The following MAP2K6 variants were observed in gnomAD, a reference collection of about 807,000 sequenced individuals.
The protein encoded by MAP2K6 is dual specificity mitogen-activated protein kinase kinase 6.
In MAP2K6, 16 loss-of-function variants were observed where a neutral mutation model predicts 53.7. The observed-to-expected ratio is 0.30, with a 90% CI of 0.20 to 0.45. The LOEUF (loss-of-function observed/expected upper bound fraction) is 0.45. Among genes scored for constraint, MAP2K6 ranks in the 20% least tolerant of loss-of-function variants. MAP2K6 has a pLI of 1.00. For synonymous variants in MAP2K6, 132 were observed against 143.1 expected (o/e 0.92, Z 0.55); for missense variants, 204 against 411.9 (o/e 0.50, Z 4.37).
rs1403212292 is a variant in MAP2K6 at position 69,494,052 on chromosome 17, C to G, written c.17-11728C>G. ...ACAATCTGATCAAGTTGAATCTGATCAATTTCTAACCAACAGAGGGATGTG... is the reference window on the plus strand; with the variant it reads ...ACAATCTGATCAAGTTGAATCTGATGAATTTCTAACCAACAGAGGGATGTG... On this transcript the variant is annotated intron_variant, in intron 1 of 11. Coordinates refer to ENST00000590474, the MANE Select transcript of MAP2K6 (RefSeq NM_002758.4). The surrounding 1 kb of genome is among the most constrained non-coding windows in gnomAD (Gnocchi z 4.2). Among the ~76,000 whole-genome samples the G allele has an allele frequency of 6.6e-6, 1 of 152,198 alleles. No individual in the cohort carries two copies. The highest frequency in any genetic ancestry group is 2.4e-5 in the African/African-American group (1 of 41,444).
intron 1 of MAP2K6, among the ~76,000 whole-genome samples, chr17:69,424,474 C>G (rs1342089676): frequency 6.6e-6 from 1 of 152,152 alleles, no homozygotes; most frequent in African/African-American, 2.4e-5. Flanking sequence ...GAGGTGATAT[C>G]CCATTTTGTA....
chr17:69,432,810 TAAA>T (rs59109680), intron 1 of MAP2K6, among the ~76,000 whole-genome samples: 27 of 139,768 alleles, frequency 1.9e-4, no homozygotes, highest in Admixed American at 2.9e-4. Flanking sequence ...AACCTAAAAT[TAAA>T]AAAAAAAAAA....
chr17:69,425,482 T>C (rs1329448166), intron 1 of MAP2K6, among the ~76,000 whole-genome samples: 1 of 151,926 alleles, frequency 6.6e-6, no homozygotes, highest in Non-Finnish European at 1.5e-5. Context: ...CCAGCTACTT[T>C]TTGTATTTTT....
chr17:69,540,594 T>C (rs1911567146), intron 11 of MAP2K6, among the ~76,000 whole-genome samples: 1 of 152,218 alleles, frequency 6.6e-6, no homozygotes, highest in Middle Eastern at 3.2e-3. Flanking sequence ...CTGCTCAGGA[T>C]TGTTTTGAAA....
chr17:69,525,603 C>A (rs997787146), intron 9 of MAP2K6, among the ~76,000 whole-genome samples: 5 of 152,138 alleles, frequency 3.3e-5, no homozygotes, highest in African/African-American at 1.2e-4. Context: ...TATATGGCGG[C>A]AGACAAGAGA....
intron 1 of MAP2K6, among the ~76,000 whole-genome samples, chr17:69,451,107 A>G (rs1333332518): frequency 6.6e-6 from 1 of 152,242 alleles, no homozygotes; most frequent in East Asian, 1.9e-4. Flanking sequence ...TGAGATTTGC[A>G]AGAATTTGTC....
At chr17:69,499,056 T>C (rs1909053957) in intron 1 of MAP2K6, among the ~76,000 whole-genome samples, 1 of 152,204 alleles carries the variant, frequency 6.6e-6, no homozygotes, top group African/African-American at 2.4e-5. Context: ...AAATGGATAC[T>C]GAGGCAATGT....
In MAP2K6 at chr17:69,519,265, C is replaced by T. The variant is rs1275043604; in HGVS notation, c.247-48C>T. On this transcript the variant is annotated intron_variant, in intron 4 of 11. Coordinates refer to ENST00000590474, the MANE Select transcript of MAP2K6 (RefSeq NM_002758.4). ...GGGACTCCTTCAGGTCCCTGCCTGC[C>T]TCATCCTCAGAGTAGTAACCATAAA... 5 of 1,583,162 alleles carry T rather than the reference C, an allele frequency of 3.2e-6. No homozygotes were observed. In the South Asian group the frequency reaches 5.8e-5, roughly 18 times the overall value.
At chr17:69,468,130 C>A (rs776284596) in intron 1 of MAP2K6, among the ~76,000 whole-genome samples, 1 of 152,194 alleles carries the variant, frequency 6.6e-6, no homozygotes, top group Non-Finnish European at 1.5e-5. Flanking sequence ...CACCCCTTCC[C>A]GCATTCCTAG....
chr17:69,475,000 T>C (rs1481751511), intron 1 of MAP2K6, among the ~76,000 whole-genome samples: 1 of 152,146 alleles, frequency 6.6e-6, no homozygotes, highest in Non-Finnish European at 1.5e-5. Context: ...AGGACTCAAA[T>C]TGAGACAAAC....
chr17:69,416,869 A>G (rs554457293), intron 1 of MAP2K6, among the ~76,000 whole-genome samples: 1 of 152,326 alleles, frequency 6.6e-6, no homozygotes, highest in Admixed American at 6.5e-5. Context: ...TAGGGTCTAA[A>G]CTAAATCAGG....
intron 1 of MAP2K6, among the ~76,000 whole-genome samples, chr17:69,478,502 A>G (rs1340156086): frequency 6.6e-6 from 1 of 152,154 alleles, no homozygotes; most frequent in Non-Finnish European, 1.5e-5. Flanking sequence ...GCTCAATCTC[A>G]GCTCATTGCA....
chr17:69,503,530 T>G (rs144398901), intron 1 of MAP2K6, among the ~76,000 whole-genome samples: 1 of 152,236 alleles, frequency 6.6e-6, no homozygotes, highest in South Asian at 2.1e-4. Context: ...AGAAAGCCTC[T>G]TATTCTGAAG....
intron 1 of MAP2K6, among the ~76,000 whole-genome samples, chr17:69,469,327 CATTA>C (rs1567829133): frequency 6.6e-6 from 1 of 152,246 alleles, no homozygotes; most frequent in Non-Finnish European, 1.5e-5. Flanking sequence ...CCTGATCAAT[CATTA>C]ACTTTAATCA....
intron 9 of MAP2K6, among the ~76,000 whole-genome samples, chr17:69,525,521 G>A (rs570732872): frequency 9.7e-4 from 148 of 152,300 alleles, no homozygotes; most frequent in African/African-American, 3.3e-3. Context: ...AAGAAAAAGA[G>A]GTTTAATGGA....
At chr17:69,518,239 T>G (rs1489803981) in intron 4 of MAP2K6, among the ~76,000 whole-genome samples, 1 of 152,082 alleles carries the variant, frequency 6.6e-6, no homozygotes, top group Admixed American at 6.5e-5. Flanking sequence ...CTTCATCTAA[T>G]CCGGAGTCCA....
rs914792314 is a variant in MAP2K6, at chr17:69,551,143, A to C, written c.*9390A>C. ...GGCGTGGAGTGACTGGGCTCTTCAT[A>C]TGCAGTGGAATTTTTGCATCTCTAG... On this transcript the variant is annotated 3_prime_UTR_variant, in exon 12 of 12. Coordinates refer to ENST00000590474, the MANE Select transcript of MAP2K6 (RefSeq NM_002758.4). 1 of 152,164 alleles carries C rather than the reference A, an allele frequency of 6.6e-6. No homozygotes were observed. The highest frequency in any genetic ancestry group is 1.5e-5 in the Non-Finnish European group (1 of 68,038). The allele number at this position is 152,164 out of a possible 1,614,324, so 9.4% of individuals were successfully genotyped here.
intron 2 of MAP2K6, among the ~76,000 whole-genome samples, chr17:69,512,339 G>T (rs9898421): frequency 0.49 from 39,904 of 80,818 alleles, 9,136 homozygotes; most frequent in African/African-American, 0.57. Context: ...TTTTTTTTTT[G>T]TTTTTTTTTT....
At chr17:69,499,216 A>G (rs989556685) in intron 1 of MAP2K6, among the ~76,000 whole-genome samples, 2 of 152,262 alleles carry the variant, frequency 1.3e-5, no homozygotes, top group Middle Eastern at 6.3e-3. Flanking sequence ...AACACGAAAG[A>G]GGGAGAATGG....
Sources: gnomAD v4.1 joint callset for allele counts (sites outside exome capture counted in the v4.1 genomes callset) on GRCh38, gnomAD v4.1.1 for gene constraint, Gnocchi (gnomAD v3.1) non-coding constraint, MANE v1.5 for transcripts, NCBI Gene and HGNC (gene_info 2026-07-23, HGNC 2026-07-21) for gene names.